The following AUTS2 variants were observed in gnomAD, a reference collection of about 807,000 sequenced individuals.
AUTS2 encodes autism susceptibility gene 2 protein.
A neutral mutation model predicts 112.4 loss-of-function variants in AUTS2; 17 were observed. The ratio of observed to expected loss-of-function variants is 0.15; its 90% CI spans 0.10 to 0.23. AUTS2 has a LOEUF of 0.23. Ranked by LOEUF, AUTS2 falls within the 10% of genes least tolerant of loss-of-function variation. The pLI, the probability that AUTS2 is intolerant of heterozygous loss-of-function variation, is 1.00. For missense variants in AUTS2, 1,510 were observed against 1,701.6 expected (o/e 0.89, Z 1.98); for synonymous variants, 751 against 702.7 (o/e 1.07, Z -1.09).
chr7:69,788,571 G>T (rs570161740), intron 1 of AUTS2, among the ~76,000 whole-genome samples: 1 of 152,104 alleles, frequency 6.6e-6, no homozygotes, highest in Non-Finnish European at 1.5e-5. Flanking sequence ...TTACAGTAGC[G>T]TTCCTCTGGT....
At chr7:70,673,400 T>G (rs1388115809) in intron 5 of AUTS2, among the ~76,000 whole-genome samples, 1 of 151,494 alleles carries the variant, frequency 6.6e-6, no homozygotes, top group Non-Finnish European at 1.5e-5. Context: ...AGGGTCTCTC[T>G]TTGTCTCCCA....
At chr7:69,698,074 A>C (rs1415830002) in intron 1 of AUTS2, among the ~76,000 whole-genome samples, 2 of 152,202 alleles carry the variant, frequency 1.3e-5, no homozygotes, top group Non-Finnish European at 2.9e-5. Context: ...CTTTGGGTAA[A>C]ATACATCTAT....
chr7:70,510,838 TTTTA>T (rs532053942), intron 5 of AUTS2, among the ~76,000 whole-genome samples: 3 of 151,854 alleles, frequency 2.0e-5, no homozygotes, highest in African/African-American at 4.8e-5. Flanking sequence ...ATTTATTTAT[TTTTA>T]TTTATTTATT....
intron 1 of AUTS2, among the ~76,000 whole-genome samples, chr7:69,785,374 C>A (rs1268415812): frequency 6.6e-6 from 1 of 152,224 alleles, no homozygotes; most frequent in Non-Finnish European, 1.5e-5. Context: ...CTGCTTTTTA[C>A]AAAATTGCTA....
intron 4 of AUTS2, among the ~76,000 whole-genome samples, chr7:70,255,676 TTTG>T (rs879357863): frequency 2.6e-5 from 4 of 152,154 alleles, no homozygotes; most frequent in Non-Finnish European, 5.9e-5. Flanking sequence ...TTTTTTTTTC[TTTG>T]TTGTTATGTT....
intron 2 of AUTS2, among the ~76,000 whole-genome samples, chr7:70,044,707 A>G (rs1454895207): frequency 3.9e-5 from 6 of 152,224 alleles, no homozygotes; most frequent in African/African-American, 1.4e-4. Flanking sequence ...CTCCGCCACC[A>G]TCACAGATCT....
chr7:70,273,355 CT>C (rs1214144189), intron 4 of AUTS2, among the ~76,000 whole-genome samples: 1 of 152,048 alleles, frequency 6.6e-6, no homozygotes, highest in Non-Finnish European at 1.5e-5. Flanking sequence ...TTTTAAAGCT[CT>C]TTTTTGTGAT....
At chr7:70,728,123 C>G (rs1362155924) in intron 6 of AUTS2, among the ~76,000 whole-genome samples, 1 of 152,170 alleles carries the variant, frequency 6.6e-6, no homozygotes, top group East Asian at 1.9e-4. Flanking sequence ...CCCAACAGGC[C>G]GTGTTTTAGG....
At chr7:70,343,719 G>A (rs1223464829) in intron 4 of AUTS2, among the ~76,000 whole-genome samples, 1 of 152,184 alleles carries the variant, frequency 6.6e-6, no homozygotes, top group Non-Finnish European at 1.5e-5. Flanking sequence ...GGGATAAAGA[G>A]AAGGTGGGGC....
chr7:69,716,238 G>A (rs922009905), intron 1 of AUTS2, among the ~76,000 whole-genome samples: 1 of 151,920 alleles, frequency 6.6e-6, no homozygotes, highest in East Asian at 1.9e-4. Flanking sequence ...GTTTGTGTGT[G>A]TGTGTCTGTG....
In AUTS2 at chr7:70,790,988, G is replaced by T; in HGVS notation, c.3772G>T (p.Ala1258Ser). ...TTCCCACACGCTGAAGGATATCGAG[G>T]CCCGATAAGCCGAGAACAGGAGCAA... ...PPSHTLKDIE[A>S]R The change falls in exon 19 of 19, where the codon GCC becomes TCC. Residue 1258 changes from alanine to serine, a missense_variant. Physicochemically the swap from Ala to Ser is moderately conservative, Grantham distance 99 (BLOSUM62 1). Coordinates refer to ENST00000342771, the MANE Select transcript of AUTS2 (RefSeq NM_015570.4). This position sits in a 1 kb window ranked among gnomAD's most constrained non-coding sequence, Gnocchi z 7.6. 6.7e-7 allele frequency: 1 copy of T among 1,496,608 alleles called. No homozygotes were observed. The highest frequency in any genetic ancestry group is 8.9e-7 in the Non-Finnish European group (1 of 1,123,306). 92.7% of individuals were successfully genotyped at this position (1,496,608 alleles called of 1,614,324 possible).
chr7:69,855,162 C>T (rs1792662393), intron 1 of AUTS2, among the ~76,000 whole-genome samples: 1 of 152,170 alleles, frequency 6.6e-6, no homozygotes. Flanking sequence ...CTATGAGCTT[C>T]ACAATGTACG....
intron 5 of AUTS2, among the ~76,000 whole-genome samples, chr7:70,469,865 C>G (rs181392560): frequency 1.3e-5 from 2 of 152,200 alleles, no homozygotes; most frequent in Admixed American, 1.3e-4. Flanking sequence ...GTCTGGAACT[C>G]CTGACCTCAG....
chr7:70,048,018 T>C (rs1801583074), intron 2 of AUTS2, among the ~76,000 whole-genome samples: 1 of 152,154 alleles, frequency 6.6e-6, no homozygotes, highest in African/African-American at 2.4e-5. Context: ...GCTAGAGGCT[T>C]ACTTGAGGTA....
intron 1 of AUTS2, among the ~76,000 whole-genome samples, chr7:69,632,586 CCCCTCTG>C (rs1228218404): frequency 6.9e-6 from 1 of 144,366 alleles, no homozygotes; most frequent in Non-Finnish European, 1.5e-5. Context: ...TCTCCCCTCT[CCCCTCTG>C]CCTTCTCCCC....
chr7:70,404,841 G>T (rs1794466523), intron 4 of AUTS2, among the ~76,000 whole-genome samples: 1 of 152,146 alleles, frequency 6.6e-6, no homozygotes, highest in South Asian at 2.1e-4. Flanking sequence ...ACAGAAATGG[G>T]TTTCATAAGC....
chr7:70,723,527 G>C (rs1275066652), intron 6 of AUTS2, among the ~76,000 whole-genome samples: 1 of 151,950 alleles, frequency 6.6e-6, no homozygotes, highest in Non-Finnish European at 1.5e-5. Flanking sequence ...CTCTGTTAAA[G>C]GAGCTCTTCT....
intron 4 of AUTS2, among the ~76,000 whole-genome samples, chr7:70,208,523 A>G (rs565245003): frequency 1.4e-4 from 21 of 152,264 alleles, no homozygotes; most frequent in Admixed American, 2.0e-4. Context: ...AAAAAAATTT[A>G]TATTAAGCAT....
chr7:69,905,953 C>T (rs912331588), intron 2 of AUTS2, among the ~76,000 whole-genome samples: 2 of 152,148 alleles, frequency 1.3e-5, no homozygotes, highest in African/African-American at 2.4e-5. Context: ...TTTATATTTC[C>T]CAAAGTAAGA....
Sources: gnomAD v4.1 joint callset for allele counts (sites outside exome capture counted in the v4.1 genomes callset) on GRCh38, gnomAD v4.1.1 for gene constraint, Gnocchi (gnomAD v3.1) non-coding constraint, MANE v1.5 for transcripts, NCBI Gene and HGNC (gene_info 2026-07-23, HGNC 2026-07-21) for gene names.